Variants in RSRC1 observed in about 807,000 individuals in gnomAD.
RSRC1 encodes the protein serine/Arginine-related protein 53.
RSRC1 carries 39 observed loss-of-function variants against 49.1 expected under a neutral mutation model. The ratio of observed to expected loss-of-function variants is 0.79; its 90% CI spans 0.61 to 1.04. RSRC1 has a LOEUF of 1.04. Among genes scored for constraint, RSRC1 ranks in the 50% least tolerant of loss-of-function variants. The pLI is 0.00. For synonymous variants in RSRC1, 143 were observed against 130.8 expected (o/e 1.09, Z -0.63); for missense variants, 388 against 402.4 (o/e 0.96, Z 0.31).
At chr3:158,460,581 C>T (rs1368883992) in intron 6 of RSRC1, among the ~76,000 whole-genome samples, 1 of 151,876 alleles carries the variant, frequency 6.6e-6, no homozygotes, top group South Asian at 2.1e-4. Flanking sequence ...ACCTTAAGAA[C>T]TTTCCTCCAA....
At chr3:158,443,945 C>A (rs1028297400) in intron 6 of RSRC1, among the ~76,000 whole-genome samples, 1 of 152,020 alleles carries the variant, frequency 6.6e-6, no homozygotes, top group Non-Finnish European at 1.5e-5. Flanking sequence ...AGAGGAACAG[C>A]CAGTTGGTGG....
At chr3:158,396,089 A>C (rs1231833842) in intron 6 of RSRC1, among the ~76,000 whole-genome samples, 1 of 152,172 alleles carries the variant, frequency 6.6e-6, no homozygotes, top group Non-Finnish European at 1.5e-5. Context: ...CAAGAACAGA[A>C]AACCAAATGC....
At chr3:158,358,662 T>C (rs1731293066) in intron 6 of RSRC1, among the ~76,000 whole-genome samples, 1 of 152,188 alleles carries the variant, frequency 6.6e-6, no homozygotes, top group African/African-American at 2.4e-5. Flanking sequence ...TGGCATTCAG[T>C]ACATTCACAG....
At chr3:158,434,621 C>T (rs1735948081) in intron 6 of RSRC1, among the ~76,000 whole-genome samples, 1 of 151,894 alleles carries the variant, frequency 6.6e-6, no homozygotes, top group South Asian at 2.1e-4. Context: ...TAGCGAAACT[C>T]GGGTGCTGTA....
intron 3 of RSRC1, among the ~76,000 whole-genome samples, chr3:158,139,492 A>G (rs1192989942): frequency 1.3e-5 from 2 of 152,180 alleles, no homozygotes; most frequent in African/African-American, 4.8e-5. Flanking sequence ...AGATAGTACC[A>G]TACGAAACTG....
intron 4 of RSRC1, among the ~76,000 whole-genome samples, chr3:158,246,667 TG>T (rs1723919754): frequency 6.6e-6 from 1 of 152,220 alleles, no homozygotes; most frequent in African/African-American, 2.4e-5. Context: ...TATGAAATTC[TG>T]GGTTGGCAAT....
At position 158,463,010 on chromosome 3, in the gene RSRC1, A is replaced by C. The variant is rs117446403; in HGVS notation, c.652+2007A>C. Among the ~76,000 whole-genome samples the C allele has an allele frequency of 1.6e-4, 24 of 152,146 alleles. No homozygotes were observed. The East Asian group carries it at 3.7e-3, about 23-fold the overall frequency. On this transcript the variant is annotated intron_variant, in intron 7 of 9. Transcript: ENST00000611884. ...AATGCCTAACACATAGTAGAAACTC[A>C]GTTTCTTGAATTGTTGCATGATGAA...
chr3:158,133,255 T>C (rs1480451358), intron 3 of RSRC1, among the ~76,000 whole-genome samples: 6 of 152,198 alleles, frequency 3.9e-5, no homozygotes, highest in Non-Finnish European at 7.4e-5. Context: ...TCCAGTTGAT[T>C]TTCTATTTTT....
intron 6 of RSRC1, among the ~76,000 whole-genome samples, chr3:158,411,183 A>G (rs1734447935): frequency 6.6e-6 from 1 of 151,944 alleles, no homozygotes; most frequent in Non-Finnish European, 1.5e-5. Flanking sequence ...ACTTTTTTTA[A>G]CCGAAATTTC....
At chr3:158,344,998 C>T (rs1311795477) in intron 5 of RSRC1, among the ~76,000 whole-genome samples, 2 of 151,944 alleles carry the variant, frequency 1.3e-5, no homozygotes, top group African/African-American at 4.8e-5. Context: ...GCTGGCGGAT[C>T]GCCTGAGGTC....
intron 4 of RSRC1, among the ~76,000 whole-genome samples, chr3:158,285,500 G>A (rs1045189046): frequency 3.9e-5 from 6 of 152,134 alleles, no homozygotes; most frequent in East Asian, 3.9e-4. Context: ...CCATTTTCAC[G>A]ATATTGATTC....
chr3:158,194,078 CACACACACACACACACACA>C (rs1720399676), intron 3 of RSRC1, among the ~76,000 whole-genome samples: 1 of 149,650 alleles, frequency 6.7e-6, no homozygotes, highest in Non-Finnish European at 1.5e-5. Flanking sequence ...CACACACACA[CACACACACACACACACACA>C]CACACAGAAA....
rs537843049 is a variant in RSRC1 at position 158,147,742 on chromosome 3, C to T, written c.320+23751C>T. Reference sequence around the variant, plus strand: ...GTTTGTTCAAATTTTTTTCCAAATTCAAAAGTGTACGTTTTAGAAGTATAC... The same window carrying T: ...GTTTGTTCAAATTTTTTTCCAAATTTAAAAGTGTACGTTTTAGAAGTATAC... On this transcript the variant is annotated intron_variant, in intron 3 of 9. Transcript: ENST00000611884. Among the ~76,000 whole-genome samples the T allele has an allele frequency of 2.5e-4, 38 of 152,154 alleles. 1 individual carries two copies. The highest frequency in any genetic ancestry group is 2.5e-3 in the Admixed American group (38 of 15,274).
In RSRC1 at chr3:158,120,075, C is replaced by T. The variant is rs186574634; in HGVS notation, c.-2-2028C>T. On this transcript the variant is annotated intron_variant, in intron 1 of 9. Coordinates refer to ENST00000611884, the MANE Select transcript of RSRC1 (RefSeq NM_001271838.2). The stretch of plus-strand genomic sequence containing the variant: ...CGAACTCCTGACCTCAGGATCCGCC[C>T]GCCTCGGCCTCCCAAAGTGCTGGGA... Among the ~76,000 whole-genome samples the T allele has an allele frequency of 1.3e-3, 196 of 152,168 alleles. 1 individual carries two copies. Among genetic ancestry groups the T allele is most frequent in the African/African-American group, 4.5e-3 (187 of 41,516 alleles).
intron 4 of RSRC1, among the ~76,000 whole-genome samples, chr3:158,257,871 A>C (rs951436363): frequency 6.6e-6 from 1 of 152,158 alleles, no homozygotes; most frequent in Non-Finnish European, 1.5e-5. Flanking sequence ...AACTGATGTC[A>C]ACTTAACATC....
chr3:158,126,002 G>A (rs1168370730), intron 3 of RSRC1, among the ~76,000 whole-genome samples: 1 of 151,780 alleles, frequency 6.6e-6, no homozygotes, highest in Non-Finnish European at 1.5e-5. Flanking sequence ...ATTTTGTCTT[G>A]TGTAAGTATG....
rs1043083014 is a variant in RSRC1 at position 158,385,437 on chromosome 3, G to C, written c.583+30529G>C. 2.6e-5 allele frequency among the ~76,000 whole-genome samples: 4 copies of C among 152,306 alleles called. No homozygotes were observed. In the East Asian group the frequency reaches 7.7e-4, roughly 29 times the overall value. ...ACAGGAGTGACTACCTCTGCCTGAG[G>C]AATCAGAGAGAACTCATAAAATGAG... On this transcript the variant is annotated intron_variant, in intron 6 of 9. Transcript: ENST00000611884.
intron 3 of RSRC1, among the ~76,000 whole-genome samples, chr3:158,124,204 C>G (rs548807166): frequency 6.6e-6 from 1 of 152,254 alleles, no homozygotes; most frequent in African/African-American, 2.4e-5. Flanking sequence ...ATATATCTTG[C>G]ATTTGGTTCT....
At chr3:158,432,796 T>G (rs773819823) in intron 6 of RSRC1, among the ~76,000 whole-genome samples, 4 of 151,962 alleles carry the variant, frequency 2.6e-5, no homozygotes, top group African/African-American at 9.7e-5. Flanking sequence ...TTACATAATT[T>G]GTAGCATTGA....
Sources: gnomAD v4.1 joint callset for allele counts (sites outside exome capture counted in the v4.1 genomes callset) on GRCh38, gnomAD v4.1.1 for gene constraint, MANE v1.5 for transcripts, NCBI Gene and HGNC (gene_info 2026-07-23, HGNC 2026-07-21) for gene names.